The following MDGA2 variants were observed in gnomAD, a reference collection of about 807,000 sequenced individuals.
MDGA2 encodes the protein MAM domain containing glycosylphosphatidylinositol anchor 2.
A neutral mutation model predicts 117.8 loss-of-function variants in MDGA2; 40 were observed. The ratio of observed to expected loss-of-function variants is 0.34; its 90% CI spans 0.26 to 0.44. The LOEUF (loss-of-function observed/expected upper bound fraction) is 0.44, where lower values mean the gene tolerates loss of function less well. MDGA2 is among the 20% of genes least tolerant of loss of function. The pLI is 1.00. For missense variants in MDGA2, 1,123 were observed against 1,250.6 expected (o/e 0.90, Z 1.54); for synonymous variants, 452 against 439.0 (o/e 1.03, Z -0.37).
intron 5 of MDGA2, among the ~76,000 whole-genome samples, chr14:47,111,071 A>G (rs1881010136): frequency 6.6e-6 from 1 of 152,176 alleles, no homozygotes; most frequent in Non-Finnish European, 1.5e-5. Context: ...TAATTAGGAG[A>G]CAATTATAGC....
chr14:47,442,349 A>G (rs1041176778), intron 1 of MDGA2, among the ~76,000 whole-genome samples: 6 of 152,096 alleles, frequency 3.9e-5, no homozygotes, highest in Admixed American at 3.3e-4. Flanking sequence ...CCTACATGAG[A>G]GAGTAAGGCA....
rs189579831 is a variant in MDGA2 at position 47,291,483 on chromosome 14, C to T, written c.420+9928G>A. Among the ~76,000 whole-genome samples, 653 of 150,082 alleles carry T rather than the reference C, an allele frequency of 4.4e-3. 4 individuals carry two copies. Among genetic ancestry groups the T allele is most frequent in the African/African-American group, 0.015 (629 of 41,294 alleles). ...TATAATGGGGTTATCTCCTGATAACCCCAACGCAACTTGAAAATATCGTGA... is the reference window on the plus strand; with the variant it reads ...TATAATGGGGTTATCTCCTGATAACTCCAACGCAACTTGAAAATATCGTGA... On this transcript the variant is annotated intron_variant, in intron 2 of 16. Transcript: ENST00000399232.
intron 2 of MDGA2, among the ~76,000 whole-genome samples, chr14:47,239,005 T>C (rs377101468): frequency 1.3e-4 from 19 of 151,802 alleles, no homozygotes; most frequent in African/African-American, 4.6e-4. Context: ...AATCTCTTTA[T>C]TCTTTACCAA....
At chr14:47,358,808 G>T (rs1295058789) in intron 1 of MDGA2, among the ~76,000 whole-genome samples, 1 of 152,162 alleles carries the variant, frequency 6.6e-6, no homozygotes, top group Non-Finnish European at 1.5e-5. Flanking sequence ...GAAAGAAATT[G>T]GAGAAGACAC....
chr14:47,517,378 CAT>C lies in MDGA2; in HGVS notation c.280+157137_280+157138del, dbSNP rs1474710177. Among the ~76,000 whole-genome samples the C allele has an allele frequency of 2.6e-5, 4 of 152,012 alleles. No individual in the cohort carries two copies. The South Asian group carries it at 6.2e-4, about 24-fold the overall frequency. On this transcript the variant is annotated intron_variant, in intron 1 of 16. Transcript: ENST00000399232. ...ATTAGCATGCCATCATGTGAACACT[CAT>C]AGCAAAAGTACAAAATGGCAGAAGA...
At chr14:47,653,926 G>C (rs955585265) in intron 1 of MDGA2, among the ~76,000 whole-genome samples, 1 of 152,148 alleles carries the variant, frequency 6.6e-6, no homozygotes, top group Admixed American at 6.6e-5. Context: ...TCAAAAAGAA[G>C]TGCAGCTTTG....
chr14:47,194,752 C>T (rs954235927), intron 3 of MDGA2, among the ~76,000 whole-genome samples: 3 of 151,698 alleles, frequency 2.0e-5, no homozygotes, highest in Non-Finnish European at 2.9e-5. Flanking sequence ...CTCACTCTCT[C>T]TCTCTCACTC....
At chr14:46,880,555 C>T (rs1212941063) in intron 11 of MDGA2, among the ~76,000 whole-genome samples, 1 of 151,534 alleles carries the variant, frequency 6.6e-6, no homozygotes, top group African/African-American at 2.4e-5. Context: ...TGTAATCTAG[C>T]ACTTTGGGAG....
intron 6 of MDGA2, among the ~76,000 whole-genome samples, chr14:47,067,214 T>C (rs2138817905): frequency 6.6e-6 from 1 of 152,308 alleles, no homozygotes; most frequent in African/African-American, 2.4e-5. Context: ...TTTCAGAGCT[T>C]TGAACATGCT....
intron 1 of MDGA2, among the ~76,000 whole-genome samples, chr14:47,639,055 G>A (rs975359254): frequency 6.6e-6 from 1 of 152,118 alleles, no homozygotes; most frequent in Non-Finnish European, 1.5e-5. Flanking sequence ...TTGATGAAAT[G>A]TCACGACAGA....
intron 1 of MDGA2, among the ~76,000 whole-genome samples, chr14:47,412,986 C>T (rs1442758682): frequency 6.6e-6 from 1 of 152,168 alleles, no homozygotes; most frequent in Admixed American, 6.5e-5. Context: ...CTATCAAAAT[C>T]TCATCAAAAT....
intron 6 of MDGA2, among the ~76,000 whole-genome samples, chr14:47,070,596 T>A (rs1258830231): frequency 2.9e-5 from 2 of 69,754 alleles, no homozygotes; most frequent in African/African-American, 7.8e-5. Flanking sequence ...CAGTACTTTT[T>A]TTTTATTATT....
rs147736440 is a variant in MDGA2 at position 47,048,689 on chromosome 14, T to C, written c.1525+12560A>G. On this transcript the variant is annotated intron_variant, in intron 7 of 16. Transcript: ENST00000399232. ...CTCTCATCTTTTGTCAAGAGCAAAA[T>C]GAAACAACCAGTGAACACAATGTTC... Among the ~76,000 whole-genome samples the C allele has an allele frequency of 4.9e-4, 74 of 152,120 alleles. No homozygotes were observed. In the East Asian group the frequency reaches 0.014, roughly 28 times the overall value.
chr14:47,561,163 GTT>G (rs1309865250), intron 1 of MDGA2, among the ~76,000 whole-genome samples: 1 of 83,878 alleles, frequency 1.2e-5, no homozygotes, highest in East Asian at 6.8e-4. Flanking sequence ...GTTTTGTTTT[GTT>G]TTTTTGTTTG....
Position 47,605,008 on chromosome 14 carries a change from G to A in MDGA2, c.280+69509C>T, listed in dbSNP as rs190292602. On this transcript the variant is annotated intron_variant, in intron 1 of 16. Transcript: ENST00000399232. ...TTTTTTAAACCACTAAACTTGGTTG[G>A]GGGGGGTGTATGCTGTGAACGCATG... 9.9e-5 allele frequency among the ~76,000 whole-genome samples: 13 copies of A among 131,104 alleles called. No individual in the cohort carries two copies. The East Asian group carries it at 2.1e-3, about 21-fold the overall frequency. 86.0% of individuals were successfully genotyped at this position (131,104 alleles called of 152,430 possible). A position where few individuals can be genotyped will look rare whatever the true frequency, so the allele number is the denominator to read the frequency against.
At chr14:47,102,055 C>T (rs1880353727) in intron 5 of MDGA2, among the ~76,000 whole-genome samples, 1 of 152,064 alleles carries the variant, frequency 6.6e-6, no homozygotes, top group Admixed American at 6.6e-5. Context: ...CGCTACCTAA[C>T]ATAATAGGTA....
intron 1 of MDGA2, among the ~76,000 whole-genome samples, chr14:47,401,526 A>C (rs1366371660): frequency 6.6e-6 from 1 of 152,204 alleles, no homozygotes; most frequent in Non-Finnish European, 1.5e-5. Context: ...ATTTTTACCA[A>C]CAAATTCTGT....
intron 8 of MDGA2, among the ~76,000 whole-genome samples, chr14:46,988,208 T>C (rs138310336): frequency 4.5e-4 from 69 of 152,018 alleles, no homozygotes; most frequent in African/African-American, 1.6e-3. Flanking sequence ...GGGAGAATCA[T>C]GCTGATTATT....
chr14:47,495,571 A>T (rs1020811532), intron 1 of MDGA2, among the ~76,000 whole-genome samples: 3 of 152,066 alleles, frequency 2.0e-5, no homozygotes, highest in Admixed American at 1.3e-4. Context: ...TATACCCCCT[A>T]TTTGCCATCT....
Sources: allele counts gnomAD v4.1 joint callset (sites outside exome capture counted in the v4.1 genomes callset), GRCh38; gene constraint gnomAD v4.1.1; transcripts MANE v1.5; gene names NCBI Gene and HGNC (gene_info 2026-07-23, HGNC 2026-07-21).